The following TMEM126A variants were observed in gnomAD, a reference collection of about 807,000 sequenced individuals.
TMEM126A encodes optic atrophy 7.
TMEM126A carries 10 observed loss-of-function variants against 18.3 expected under a neutral mutation model. That is an observed-to-expected ratio of 0.55 (90% confidence interval 0.34 to 0.93). The LOEUF (loss-of-function observed/expected upper bound fraction) is 0.93. TMEM126A is among the 40% of genes least tolerant of loss of function. TMEM126A has a pLI of 0.02. For synonymous variants in TMEM126A, 68 were observed against 78.1 expected (o/e 0.87, Z 0.68); for missense variants, 246 against 230.2 (o/e 1.07, Z -0.44).
Position 85,650,344 on chromosome 11 carries a change from A to T in TMEM126A, c.86+3A>T. 4 of 1,591,040 alleles carry T rather than the reference A, an allele frequency of 2.5e-6. No individual in the cohort carries two copies. Among genetic ancestry groups the T allele is most frequent in the Non-Finnish European group, 3.4e-6 (4 of 1,159,734 alleles). ...AACCAGCTTCCAGAAGCAGAAAGGT[A>T]AGATCCCTTCTTAATTTAAAAACAC... On this transcript the variant is annotated splice_donor_region_variant and intron_variant, in intron 2 of 4. Transcript: ENST00000304511.
chr11:85,651,607 G>C (rs1377344781), intron 2 of TMEM126A, among the ~76,000 whole-genome samples: 1 of 152,074 alleles, frequency 6.6e-6, no homozygotes, highest in Non-Finnish European at 1.5e-5. Context: ...TCCCCATCTT[G>C]CTGCCACTTA....
At chr11:85,655,025 G>A (rs961027606) in intron 3 of TMEM126A, among the ~76,000 whole-genome samples, 6 of 151,974 alleles carry the variant, frequency 3.9e-5, no homozygotes, top group African/African-American at 1.5e-4. Flanking sequence ...AATACATGGA[G>A]ATTTGATTTC....
intron 2 of TMEM126A, among the ~76,000 whole-genome samples, chr11:85,653,303 G>C (rs1565800018): frequency 6.6e-6 from 1 of 152,202 alleles, no homozygotes; most frequent in Non-Finnish European, 1.5e-5. Flanking sequence ...GCTATTTTAA[G>C]ATGAGTGTAA....
chr11:85,652,671 CCT>C (rs1591464202), intron 2 of TMEM126A, among the ~76,000 whole-genome samples: 2 of 152,078 alleles, frequency 1.3e-5, no homozygotes, highest in Admixed American at 6.6e-5. Context: ...AACATTTTGA[CCT>C]TAGCTATGGG....
rs901087812 is a variant in TMEM126A at position 85,648,017 on chromosome 11, A to G, written c.-80A>G. 4.6e-5 allele frequency: 7 copies of G among 151,860 alleles called. No homozygotes were observed. The highest frequency in any genetic ancestry group is 1.7e-4 in the African/African-American group (7 of 41,128). 9.4% of individuals were successfully genotyped at this position (151,860 alleles called of 1,614,324 possible). A position where few individuals can be genotyped will look rare whatever the true frequency, so the allele number is the denominator to read the frequency against. On this transcript the variant is annotated 5_prime_UTR_variant, in exon 1 of 5. Coordinates refer to ENST00000304511, the MANE Select transcript of TMEM126A (RefSeq NM_032273.4). ...ATGGCTGCGCCCAGGTAATTTGAGC[A>G]AAGGCCACAGTGAACTCCGGCGTGG... is the stretch of plus-strand genomic sequence containing the variant.
chr11:85,656,396 T>A lies in TMEM126A; in HGVS notation c.483T>A (p.Phe161Leu). ...AGCCTGTCTTTAGAAAGATGTTATT[T>A]CCTATTTTGCTCCAGACTATGTTTT... ...TSKPVFRKML[F>L]PILLQTMFSA... is the part of the protein sequence containing the mutation. Residue 161 changes from phenylalanine (F) to leucine (L), a missense_variant, in exon 5 of 5, where the codon TTT (phenylalanine) becomes TTA (leucine). Coordinates refer to ENST00000304511, the MANE Select transcript of TMEM126A (RefSeq NM_032273.4). The A allele has an allele frequency of 6.2e-7, 1 of 1,613,344 alleles. No individual in the cohort carries two copies.
At chr11:85,649,330 A>G (rs2082483094) in intron 1 of TMEM126A, among the ~76,000 whole-genome samples, 1 of 152,232 alleles carries the variant, frequency 6.6e-6, no homozygotes, top group Admixed American at 6.5e-5. Flanking sequence ...AGACATCAAC[A>G]AACTACTGGC....
intron 2 of TMEM126A, among the ~76,000 whole-genome samples, chr11:85,651,035 C>T (rs2082495520): frequency 6.8e-6 from 1 of 147,672 alleles, no homozygotes; most frequent in Non-Finnish European, 1.5e-5. Flanking sequence ...CACCACTACA[C>T]CCCAGCCTGG....
chr11:85,651,620 A>G (rs1177055265), intron 2 of TMEM126A, among the ~76,000 whole-genome samples: 1 of 152,148 alleles, frequency 6.6e-6, no homozygotes, highest in Non-Finnish European at 1.5e-5. Flanking sequence ...GCCACTTACC[A>G]TCTTAATCAG....
chr11:85,652,827 A>G (rs1020156209), intron 2 of TMEM126A, among the ~76,000 whole-genome samples: 12 of 151,524 alleles, frequency 7.9e-5, no homozygotes, highest in African/African-American at 2.9e-4. Flanking sequence ...TTATATATAC[A>G]TACAGGCAAA....
chr11:85,649,215 G>C (rs183850645), intron 1 of TMEM126A, among the ~76,000 whole-genome samples: 1 of 152,194 alleles, frequency 6.6e-6, no homozygotes, highest in Non-Finnish European at 1.5e-5. Context: ...GATTACAGGC[G>C]TGAGCCACTG....
Position 85,655,583 on chromosome 11 carries a change from T to G in TMEM126A, c.281-11T>G. Reference sequence around the variant, plus strand: ...CATGACCTTCATTTCTATGACTAATTTATTTCCTAGGTGATTTGGATTGTG... The same window carrying G: ...CATGACCTTCATTTCTATGACTAATGTATTTCCTAGGTGATTTGGATTGTG... On this transcript the variant is annotated splice_polypyrimidine_tract_variant and intron_variant, in intron 3 of 4. Coordinates refer to ENST00000304511, the MANE Select transcript of TMEM126A (RefSeq NM_032273.4). The G allele has an allele frequency of 6.3e-7, 1 of 1,595,194 alleles. No individual in the cohort carries two copies. The highest frequency in any genetic ancestry group is 1.1e-5 in the South Asian group (1 of 90,650).
At chr11:85,652,445 G>A (rs1230628863) in intron 2 of TMEM126A, among the ~76,000 whole-genome samples, 1 of 152,240 alleles carries the variant, frequency 6.6e-6, no homozygotes, top group East Asian at 1.9e-4. Context: ...GTCCTTCAGT[G>A]TATGGAGCTT....
intron 2 of TMEM126A, among the ~76,000 whole-genome samples, chr11:85,650,821 G>A (rs1173264400): frequency 6.6e-6 from 1 of 152,122 alleles, no homozygotes; most frequent in Admixed American, 6.5e-5. Flanking sequence ...AGTAATCCCA[G>A]CACTTTGGGA....
chr11:85,654,385 A>G lies in TMEM126A; in HGVS notation c.280+129A>G, dbSNP rs984365240. 16 of 888,852 alleles carry G rather than the reference A, an allele frequency of 1.8e-5. 1 individual carries two copies. In the South Asian group the frequency reaches 1.9e-4, roughly 11 times the overall value. 55.1% of individuals were successfully genotyped at this position (888,852 alleles called of 1,614,324 possible). A position where few individuals can be genotyped will look rare whatever the true frequency, so the allele number is the denominator to read the frequency against. On this transcript the variant is annotated intron_variant, in intron 3 of 4. Transcript: ENST00000304511. ...TTAAGATTAAATCTTGCTAGCCTATATAATGTGGCAAATAATTCATATTAG... is the reference window on the plus strand; with the variant it reads ...TTAAGATTAAATCTTGCTAGCCTATGTAATGTGGCAAATAATTCATATTAG...
At chr11:85,656,247 G>A in intron 4 of TMEM126A, 62 bp from the exon 5 acceptor site, 1 of 1,405,642 alleles carries the variant, frequency 7.1e-7, no homozygotes, top group African/African-American at 1.4e-5. Context: ...ATGTATCACA[G>A]ATGGGTTTGC....
Position 85,654,083 on chromosome 11 carries a change from C to A in TMEM126A, c.107C>A (p.Ser36Ter). ...EAERNLLENG[S>*]VYVGLNAALC... ...TTCAGGAATCTACTTGAAAATGGAT[C>A]GGTTTATGTTGGATTAAATGCTGCT... The change falls in exon 3 of 5, where the codon TCG becomes TAG. Residue 36 changes from serine to a stop codon, truncating the protein, a stop_gained. Transcript: ENST00000304511. LOFTEE classifies it high-confidence loss of function. 2 of 1,614,128 alleles carry A rather than the reference C, an allele frequency of 1.2e-6. No homozygotes were observed. Among genetic ancestry groups the A allele is most frequent in the Non-Finnish European group, 1.7e-6 (2 of 1,180,018 alleles).
intron 3 of TMEM126A, 55 bp downstream of exon 3, chr11:85,654,311 G>A: frequency 6.5e-7 from 1 of 1,527,590 alleles, no homozygotes; most frequent in Non-Finnish European, 9.1e-7. Flanking sequence ...GTTATTTGCA[G>A]CTTTAGTCCA....
In TMEM126A at chr11:85,651,120, A is replaced by T. The variant is rs902369188; in HGVS notation, c.86+779A>T. On this transcript the variant is annotated intron_variant, in intron 2 of 4. Transcript: ENST00000304511. ...ATTAAAGAGAAAAACCAATATAGGG[A>T]ACATACTAATCTTTGCCAGGCAGCT... Among the ~76,000 whole-genome samples the T allele has an allele frequency of 7.3e-5, 11 of 151,156 alleles. No homozygotes were observed. In the East Asian group the frequency reaches 1.9e-3, roughly 27 times the overall value.
Sources: allele counts gnomAD v4.1 joint callset (sites outside exome capture counted in the v4.1 genomes callset), GRCh38; gene constraint gnomAD v4.1.1; transcripts MANE v1.5; gene names NCBI Gene and HGNC (gene_info 2026-07-23, HGNC 2026-07-21).